Variants in BTBD18 observed in about 807,000 individuals in gnomAD.
The protein encoded by BTBD18 is BTB domain containing 18.
For missense variants in BTBD18, 787 were observed against 846.3 expected (o/e 0.93, Z 0.87); for synonymous variants, 311 against 324.4 (o/e 0.96, Z 0.44).
chr11:57,746,591 T>G (rs1949198527), intron 2 of BTBD18, among the ~76,000 whole-genome samples: 1 of 152,180 alleles, frequency 6.6e-6, no homozygotes, highest in Non-Finnish European at 1.5e-5. Flanking sequence ...CCCAGAGTGC[T>G]GAGATTACAG....
At chr11:57,747,969 G>T (rs549856052) in intron 2 of BTBD18, among the ~76,000 whole-genome samples, 1 of 152,072 alleles carries the variant, frequency 6.6e-6, no homozygotes, top group Admixed American at 6.6e-5. Context: ...CCAGCTAATT[G>T]TTTGTATTTT....
In BTBD18 at chr11:57,746,119, G is replaced by A; in HGVS notation, c.154C>T (p.Leu52=). 1 of 1,549,290 alleles carries A rather than the reference G, an allele frequency of 6.5e-7. No homozygotes were observed. Among genetic ancestry groups the A allele is most frequent in the Non-Finnish European group, 8.7e-7 (1 of 1,145,896 alleles). ...GTGAAGAAGGGGCTACAAGCTGACA[G>A]GATGCAGCAGTGAGCTGGAACTGCC... ...GEAVPAHCCI[L]SACSPFFTER... Residue 52 remains leucine (L), a synonymous_variant, in exon 3 of 3, where the codon CTG becomes TTG. Transcript: ENST00000422652.
chr11:57,748,123 C>A (rs769902475), intron 2 of BTBD18, among the ~76,000 whole-genome samples: 47 of 151,784 alleles, frequency 3.1e-4, no homozygotes, highest in Non-Finnish European at 6.2e-4. Context: ...GGTCTCAGTA[C>A]ATTGCCTAGG....
upstream of BTBD18, among the ~76,000 whole-genome samples, chr11:57,752,861 G>A (rs1371290186): frequency 6.6e-6 from 1 of 152,260 alleles, no homozygotes; most frequent in East Asian, 1.9e-4. Flanking sequence ...GCCCTGCAAA[G>A]CGGGGTGGCC....
chr11:57,751,920 G>A (rs1368332770), upstream of BTBD18: 1 of 152,202 alleles, frequency 6.6e-6, no homozygotes, highest in Non-Finnish European at 1.5e-5. Flanking sequence ...AACCAAGGAC[G>A]TTGCCACCCT....
intron 2 of BTBD18, among the ~76,000 whole-genome samples, chr11:57,750,762 C>G (rs1324834276): frequency 6.6e-6 from 1 of 152,224 alleles, no homozygotes; most frequent in Admixed American, 6.5e-5. Flanking sequence ...ATTCTAAGTG[C>G]TTACCCACAT....
chr11:57,745,130 T>C lies in BTBD18; in HGVS notation c.1143A>G (p.Gln381=), dbSNP rs532266525. 7.6e-5 allele frequency: 118 copies of C among 1,551,720 alleles called. No individual in the cohort carries two copies. Among genetic ancestry groups the C allele is most frequent in the Non-Finnish European group, 9.6e-5 (110 of 1,146,998 alleles). ...CGGGATCTGGGATCTGGGGGCTATC[T>C]TGAGTGTTTTTGAGAGGAGTCTCTT... ...VVQETPLKNT[Q]DSPQIPDPGG... Residue 381 remains glutamine (Q), a synonymous_variant, in exon 3 of 3, where the codon CAA becomes CAG. Coordinates refer to ENST00000422652, the MANE Select transcript of BTBD18 (RefSeq NM_001145101.3).
rs1166406243 is a variant in BTBD18, at chr11:57,751,098, C to G, written c.91G>C (p.Asp31His). 1 of 1,550,326 alleles carries G rather than the reference C, an allele frequency of 6.5e-7. No individual in the cohort carries two copies. The highest frequency in any genetic ancestry group is 1.4e-5 in the African/African-American group (1 of 72,966). ...TGCAGAAGGACATCACAGAACACATCACTCTGCTGCTGGTGATGAAGCTGC... is the reference window on the plus strand; with the variant it reads ...TGCAGAAGGACATCACAGAACACATGACTCTGCTGCTGGTGATGAAGCTGC... Reference protein sequence around the residue: ...FLQLHHQQQSDVFCDVLLQAE... With the variant: ...FLQLHHQQQSHVFCDVLLQAE... Residue 31 changes from aspartate to histidine, a missense_variant, in exon 2 of 3, where the codon GAT (aspartate) becomes CAT (histidine). Physicochemically the swap from Asp to His is moderately conservative, Grantham distance 81. Transcript: ENST00000422652.
rs756881265 is a variant in BTBD18, at chr11:57,744,843, G to A, written c.1430C>T (p.Pro477Leu). Residue 477 changes from proline (P) to leucine (L), a missense_variant, in exon 3 of 3, where the codon CCC (proline) becomes CTC (leucine). By Grantham distance (98) the Pro-to-Leu change is moderately conservative. Transcript: ENST00000422652. Reference sequence around the variant, plus strand: ...GATTCGGTACTCCTCAGCCTCACAGGGCTGCTCCAGCAGAGCTGTGTCAAA... The same window carrying A: ...GATTCGGTACTCCTCAGCCTCACAGAGCTGCTCCAGCAGAGCTGTGTCAAA... ...YAFDTALLEQ[P>L]CEAEEYRITS... 111 of 1,551,568 alleles carry A rather than the reference G, an allele frequency of 7.2e-5. No homozygotes were observed. The highest frequency in any genetic ancestry group is 9.2e-5 in the Non-Finnish European group (105 of 1,146,986).
At chr11:57,746,208 A>G (rs1318173269) in intron 2 of BTBD18, 60 bp from the exon 3 acceptor site, 3 of 1,341,758 alleles carry the variant, frequency 2.2e-6, no homozygotes, top group African/African-American at 1.5e-5. Context: ...TGGGCTAAGC[A>G]TAGACATTAC....
chr11:57,746,543 C>T (rs1355979725), intron 2 of BTBD18, among the ~76,000 whole-genome samples: 1 of 151,872 alleles, frequency 6.6e-6, no homozygotes, highest in South Asian at 2.1e-4. Context: ...TTGGTCAGGC[C>T]GGTCTCCTGA....
chr11:57,752,664 A>G (rs1025512206), upstream of BTBD18, among the ~76,000 whole-genome samples: 3 of 152,210 alleles, frequency 2.0e-5, no homozygotes, highest in Non-Finnish European at 4.4e-5. Flanking sequence ...GCTTTTCGGT[A>G]GACTTTGCTC....
At chr11:57,747,376 A>G (rs1231180743) in intron 2 of BTBD18, among the ~76,000 whole-genome samples, 1 of 152,158 alleles carries the variant, frequency 6.6e-6, no homozygotes, top group African/African-American at 2.4e-5. Context: ...TCCCCACCCC[A>G]AAAAACCTCT....
At chr11:57,750,052 C>CA (rs968458599) in intron 2 of BTBD18, among the ~76,000 whole-genome samples, 2 of 152,068 alleles carry the variant, frequency 1.3e-5, no homozygotes, top group Non-Finnish European at 2.9e-5. Flanking sequence ...GTTCTAGCAA[C>CA]AAACAACAAA....
At chr11:57,751,042 T>C (rs761008200) in intron 2 of BTBD18, 23 bp downstream of exon 2, 42 of 1,511,020 alleles carry the variant, frequency 2.8e-5, no homozygotes, top group Middle Eastern at 3.4e-4. Flanking sequence ...GAGTTTTCAG[T>C]TGAATTCCGA....
intron 2 of BTBD18, among the ~76,000 whole-genome samples, chr11:57,748,374 G>T (rs2135698109): frequency 6.6e-6 from 1 of 152,188 alleles, no homozygotes; most frequent in African/African-American, 2.4e-5. Flanking sequence ...AGTAAACTGA[G>T]GCATAGTTAA....
At chr11:57,747,556 C>A (rs1042323749) in intron 2 of BTBD18, among the ~76,000 whole-genome samples, 7 of 152,056 alleles carry the variant, frequency 4.6e-5, no homozygotes, top group African/African-American at 1.7e-4. Flanking sequence ...ACTCTGTGGC[C>A]CAGGCTGGAG....
chr11:57,748,041 ATC>A (rs1949230977), intron 2 of BTBD18, among the ~76,000 whole-genome samples: 1 of 152,186 alleles, frequency 6.6e-6, no homozygotes, highest in African/African-American at 2.4e-5. Context: ...GGCTAAAACA[ATC>A]TGTCTGCCTT....
intron 1 of BTBD18, 141 bp downstream of exon 1, chr11:57,751,400 T>C: frequency 2.4e-6 from 1 of 418,820 alleles, no homozygotes; most frequent in East Asian, 4.4e-5. Flanking sequence ...ATTATCATAG[T>C]GGTTACATGT....
Sources: gnomAD v4.1 joint callset for allele counts (sites outside exome capture counted in the v4.1 genomes callset) on GRCh38, gnomAD v4.1.1 for gene constraint, MANE v1.5 for transcripts, NCBI Gene and HGNC (gene_info 2026-07-23, HGNC 2026-07-21) for gene names.